Variants in TAFA2 observed in about 807,000 individuals in gnomAD.
TAFA2 encodes the protein chemokine-like protein TAFA-2.
Under a neutral mutation model 18.8 loss-of-function variants are expected in TAFA2, and 7 were observed. That is an observed-to-expected ratio of 0.37 (90% confidence interval 0.21 to 0.70). TAFA2 has a LOEUF of 0.70. TAFA2 is among the 30% of genes least tolerant of loss of function. The pLI, the probability that TAFA2 is intolerant of heterozygous loss-of-function variation, is 0.53. For missense variants in TAFA2, 122 were observed against 158.1 expected (o/e 0.77, Z 1.23); for synonymous variants, 60 against 54.2 (o/e 1.11, Z -0.47).
chr12:62,204,279 T>G (rs1206681326), intron 1 of TAFA2, among the ~76,000 whole-genome samples: 1 of 152,218 alleles, frequency 6.6e-6, no homozygotes, highest in African/African-American at 2.4e-5. Flanking sequence ...ATTTTTTCCT[T>G]CATTTCGACC....
chr12:61,858,632 A>G (rs1453947398), intron 2 of TAFA2, among the ~76,000 whole-genome samples: 3 of 152,134 alleles, frequency 2.0e-5, no homozygotes, highest in Admixed American at 2.0e-4. Flanking sequence ...GCCCCAATAC[A>G]ATATATGTTT....
chr12:61,764,233 TA>T (rs1869690073), intron 2 of TAFA2, among the ~76,000 whole-genome samples: 1 of 37,280 alleles, frequency 2.7e-5, no homozygotes, highest in African/African-American at 8.9e-5. Flanking sequence ...GATTGATTGA[TA>T]GATAGATAGA....
At chr12:62,075,938 T>C (rs1056711837) in intron 1 of TAFA2, among the ~76,000 whole-genome samples, 1 of 152,236 alleles carries the variant, frequency 6.6e-6, no homozygotes, top group Non-Finnish European at 1.5e-5. Context: ...TTCCTTACAC[T>C]CTTTTTATTT....
At chr12:62,009,186 TAAAC>T (rs886825052) in intron 1 of TAFA2, among the ~76,000 whole-genome samples, 5 of 152,162 alleles carry the variant, frequency 3.3e-5, no homozygotes, top group Non-Finnish European at 5.9e-5. Flanking sequence ...ACACACTGCT[TAAAC>T]AAATTATTTG....
intron 1 of TAFA2, chr12:62,104,686 C>A (rs1869365003): frequency 2.2e-6 from 1 of 455,580 alleles, no homozygotes; most frequent in East Asian, 7.0e-5. Flanking sequence ...AATAACTAGT[C>A]CTCAACTAAG....
intron 2 of TAFA2, among the ~76,000 whole-genome samples, chr12:61,851,756 C>CA (rs1435592321): frequency 1.9e-4 from 16 of 86,160 alleles, no homozygotes; most frequent in East Asian, 8.0e-4. Flanking sequence ...GCCTGGGCGA[C>CA]AGAGCGAGAC....
chr12:62,185,284 A>G (rs1293048722), intron 1 of TAFA2, among the ~76,000 whole-genome samples: 7 of 152,190 alleles, frequency 4.6e-5, no homozygotes, highest in African/African-American at 7.2e-5. Flanking sequence ...TGTTTTGTGG[A>G]GGATGAGATT....
Position 62,206,450 on chromosome 12 carries a change from A to T in TAFA2, c.-130+52313T>A, listed in dbSNP as rs527831383. Among the ~76,000 whole-genome samples the T allele has an allele frequency of 1.2e-4, 18 of 152,356 alleles. No homozygotes were observed. In the South Asian group the frequency reaches 2.3e-3, roughly 19 times the overall value. On this transcript the variant is annotated intron_variant, in intron 1 of 5. Transcript: ENST00000551619. The stretch of plus-strand genomic sequence containing the variant: ...TTATTGTTTTCACTTTAGACACAGA[A>T]TTAATTCCAATGCTTTATTTTACAA...
At chr12:61,907,247 C>T (rs1337819495) in intron 1 of TAFA2, among the ~76,000 whole-genome samples, 1 of 152,156 alleles carries the variant, frequency 6.6e-6, no homozygotes, top group African/African-American at 2.4e-5. Flanking sequence ...GGACTGGAGG[C>T]CTGGGAGAAA....
At chr12:62,149,268 T>C (rs1030315928) in intron 1 of TAFA2, among the ~76,000 whole-genome samples, 3 of 152,046 alleles carry the variant, frequency 2.0e-5, no homozygotes, top group African/African-American at 7.2e-5. Context: ...TGTTCAATGG[T>C]GTAGAATAAA....
chr12:61,983,383 G>GTTTGT (rs10524394), intron 1 of TAFA2, among the ~76,000 whole-genome samples: 66,224 of 146,602 alleles, frequency 0.45, 16,897 homozygotes, highest in Non-Finnish European at 0.58. Flanking sequence ...CTGGGATTCT[G>GTTTGT]TTTGTTTTGT....
intron 1 of TAFA2, among the ~76,000 whole-genome samples, chr12:62,132,019 G>T (rs1870706482): frequency 6.6e-6 from 1 of 150,918 alleles, no homozygotes; most frequent in African/African-American, 2.4e-5. Context: ...ATAGGAAATG[G>T]TATGTTAAAA....
chr12:61,983,116 G>C (rs17125590), intron 1 of TAFA2, among the ~76,000 whole-genome samples: 3,397 of 152,234 alleles, frequency 0.022, 141 homozygotes, highest in South Asian at 0.095. Flanking sequence ...CAATGGAATA[G>C]ACTATTTGGA....
chr12:62,174,314 CA>C (rs1034885326), intron 1 of TAFA2, among the ~76,000 whole-genome samples: 8 of 140,612 alleles, frequency 5.7e-5, no homozygotes, highest in African/African-American at 7.8e-5. Flanking sequence ...GACCCAGACT[CA>C]AAAAAAAAAG....
chr12:62,130,877 T>G (rs929637843), intron 1 of TAFA2, among the ~76,000 whole-genome samples: 1 of 151,976 alleles, frequency 6.6e-6, no homozygotes, highest in Non-Finnish European at 1.5e-5. Flanking sequence ...AACATTTTAT[T>G]AAACTGTGAA....
intron 2 of TAFA2, among the ~76,000 whole-genome samples, chr12:61,800,568 A>G (rs754152453): frequency 2.6e-5 from 4 of 152,322 alleles, no homozygotes; most frequent in African/African-American, 4.8e-5. Flanking sequence ...TTGCTACAAC[A>G]GTGAAATCTA....
intron 1 of TAFA2, among the ~76,000 whole-genome samples, chr12:62,005,091 T>C (rs1242502039): frequency 2.0e-5 from 3 of 152,030 alleles, no homozygotes; most frequent in Non-Finnish European, 4.4e-5. Context: ...GTAGGATGAT[T>C]AAATATAGAA....
At chr12:61,931,622 A>C (rs1472961329) in intron 1 of TAFA2, among the ~76,000 whole-genome samples, 1 of 152,198 alleles carries the variant, frequency 6.6e-6, no homozygotes, top group Non-Finnish European at 1.5e-5. Flanking sequence ...GTAGTTTCAA[A>C]AACTGAAGGG....
intron 1 of TAFA2, among the ~76,000 whole-genome samples, chr12:62,164,579 C>A (rs2062426974): frequency 6.6e-6 from 1 of 152,052 alleles, no homozygotes; most frequent in African/African-American, 2.4e-5. Context: ...GTACAACAAA[C>A]CCTCGTGACA....
Sources: gnomAD v4.1 joint callset for allele counts (sites outside exome capture counted in the v4.1 genomes callset) on GRCh38, gnomAD v4.1.1 for gene constraint, MANE v1.5 for transcripts, NCBI Gene and HGNC (gene_info 2026-07-23, HGNC 2026-07-21) for gene names.